C7orf78: variants seen among roughly 807,000 people sequenced by gnomAD.
C7orf78 encodes the protein chromosome 7 open reading frame 78.
the C7orf78 span, among the ~76,000 whole-genome samples, chr7:12,533,563 C>T: frequency 7.0e-6 from 1 of 142,186 alleles, no homozygotes; most frequent in African/African-American, 2.6e-5. Context: ...GTTGCTCAGG[C>T]TGGAGTGCAG....
At chr7:12,532,057 G>A in the C7orf78 span, among the ~76,000 whole-genome samples, 1 of 152,118 alleles carries the variant, frequency 6.6e-6, no homozygotes, top group African/African-American at 2.4e-5. Context: ...GTGCCATCTT[G>A]TCTGCTCCTT....
chr7:12,496,249 A>G, the C7orf78 span, among the ~76,000 whole-genome samples: 1 of 152,198 alleles, frequency 6.6e-6, no homozygotes, highest in Admixed American at 6.5e-5. Context: ...TTCTAACTCT[A>G]AATTTCTAAT....
At chr7:12,519,412 C>A in the C7orf78 span, among the ~76,000 whole-genome samples, 2 of 152,182 alleles carry the variant, frequency 1.3e-5, no homozygotes, top group Admixed American at 1.3e-4. Context: ...ATTCTCTATA[C>A]ATAAATCCTA....
At chr7:12,492,784 T>C in the C7orf78 span, among the ~76,000 whole-genome samples, 22 of 152,340 alleles carry the variant, frequency 1.4e-4, no homozygotes, top group African/African-American at 4.6e-4. Flanking sequence ...CAGGTCTCTG[T>C]TTACTCTTGA....
the C7orf78 span, among the ~76,000 whole-genome samples, chr7:12,486,179 T>G: frequency 6.6e-6 from 1 of 152,084 alleles, no homozygotes; most frequent in South Asian, 2.1e-4. Flanking sequence ...ATAAGTTACT[T>G]AACCTTTAAG....
chr7:12,528,278 A>C, the C7orf78 span, among the ~76,000 whole-genome samples: 1 of 65,540 alleles, frequency 1.5e-5, no homozygotes. Flanking sequence ...AATGGAACAT[A>C]TCTACTTTCC....
the C7orf78 span, among the ~76,000 whole-genome samples, chr7:12,499,421 G>T: frequency 6.7e-6 from 1 of 148,646 alleles, no homozygotes; most frequent in Non-Finnish European, 1.5e-5. Context: ...AAAGGCAGGG[G>T]TTGCAATCCT....
chr7:12,485,929 C>G, the C7orf78 span, among the ~76,000 whole-genome samples: 1 of 152,116 alleles, frequency 6.6e-6, no homozygotes, highest in East Asian at 1.9e-4. Context: ...GGAGATAGAT[C>G]CGATAAATCA....
At chr7:12,522,458 G>T in the C7orf78 span, among the ~76,000 whole-genome samples, 8 of 152,058 alleles carry the variant, frequency 5.3e-5, no homozygotes, top group Non-Finnish European at 1.2e-4. Context: ...GGTTTAGGCA[G>T]CCATAGATAT....
At chr7:12,525,379 A>G in the C7orf78 span, among the ~76,000 whole-genome samples, 4 of 152,260 alleles carry the variant, frequency 2.6e-5, no homozygotes, top group East Asian at 7.7e-4. Flanking sequence ...GCTTTGTTCA[A>G]TGTTTTTGCT....
chr7:12,485,908 T>C, the C7orf78 span, among the ~76,000 whole-genome samples: 263 of 152,216 alleles, frequency 1.7e-3, no homozygotes, highest in Non-Finnish European at 1.9e-3. Flanking sequence ...GAGAATGGGA[T>C]TGACTCATAA....
At chr7:12,488,328 A>G in the C7orf78 span, among the ~76,000 whole-genome samples, 2 of 152,094 alleles carry the variant, frequency 1.3e-5, no homozygotes, top group African/African-American at 4.8e-5. Flanking sequence ...TATATCTGAG[A>G]AAGAGCTCTT....
the C7orf78 span, among the ~76,000 whole-genome samples, chr7:12,492,267 T>C: frequency 6.6e-6 from 1 of 152,182 alleles, no homozygotes; most frequent in African/African-American, 2.4e-5. Context: ...ATAAAAAAAA[T>C]ACTAAGACTT....
At chr7:12,494,498 G>A in the C7orf78 span, among the ~76,000 whole-genome samples, 1 of 152,136 alleles carries the variant, frequency 6.6e-6, no homozygotes, top group Non-Finnish European at 1.5e-5. Flanking sequence ...TAACAAGCAA[G>A]CTCTGAACAT....
At chr7:12,484,312 CTT>C in the C7orf78 span, among the ~76,000 whole-genome samples, 3 of 152,126 alleles carry the variant, frequency 2.0e-5, no homozygotes, top group African/African-American at 7.2e-5. Flanking sequence ...GGAAATGTGA[CTT>C]AACATATCTA....
At chr7:12,536,997 C>T in the C7orf78 span, among the ~76,000 whole-genome samples, 15 of 152,142 alleles carry the variant, frequency 9.9e-5, no homozygotes, top group Non-Finnish European at 1.9e-4. Flanking sequence ...ACATTTTCCT[C>T]TCTTCTTCTG....
At chr7:12,501,607 C>A in the C7orf78 span, among the ~76,000 whole-genome samples, 2 of 127,110 alleles carry the variant, frequency 1.6e-5, no homozygotes, top group African/African-American at 5.8e-5. Context: ...GAAGAACATT[C>A]CATGCTCATG....
the C7orf78 span, among the ~76,000 whole-genome samples, chr7:12,505,762 G>A: frequency 6.6e-6 from 1 of 152,076 alleles, no homozygotes; most frequent in Admixed American, 6.5e-5. Flanking sequence ...CATGTAAAAG[G>A]AAAACTATGG....
the C7orf78 span, among the ~76,000 whole-genome samples, chr7:12,527,719 G>C: frequency 6.8e-6 from 1 of 147,404 alleles, no homozygotes; most frequent in African/African-American, 2.5e-5. Context: ...TAATTGAAAT[G>C]GAACATGTCT....
Sources: gnomAD v4.1 joint callset for allele counts (sites outside exome capture counted in the v4.1 genomes callset) on GRCh38, gnomAD v4.1.1 for gene constraint, MANE v1.5 for transcripts, NCBI Gene and HGNC (gene_info 2026-07-23, HGNC 2026-07-21) for gene names.